The following USH2A variants were observed in gnomAD, a reference collection of about 807,000 sequenced individuals.
USH2A encodes the protein usherin, also known as Usher syndrome 2A (autosomal recessive, mild).
In USH2A, 443 loss-of-function variants were observed where a neutral mutation model predicts 538.9. That is an observed-to-expected ratio of 0.82 (90% CI 0.76 to 0.89). The LOEUF (loss-of-function observed/expected upper bound fraction) is 0.89. Among genes scored for constraint, USH2A ranks in the 40% least tolerant of loss-of-function variants. The pLI is 0.00. For missense variants in USH2A, 6,633 were observed against 6,324.8 expected (o/e 1.05, Z -1.65); for synonymous variants, 2,413 against 2,273.5 (o/e 1.06, Z -1.75).
chr1:216,174,519 GC>G (rs1210846904), intron 21 of USH2A: 17 of 985,054 alleles, frequency 1.7e-5, no homozygotes, highest in Non-Finnish European at 1.9e-5. Context: ...CTTTATTTAA[GC>G]TTTTGATAAT....
In USH2A at chr1:216,264,889, G is replaced by A. The variant is rs1362708893; in HGVS notation, c.1972-13791C>T. On this transcript the variant is annotated intron_variant, in intron 11 of 71. Coordinates refer to ENST00000307340, the MANE Select transcript of USH2A (RefSeq NM_206933.4). ...TGCAAATGAATGAAAATAGACCCCC[G>A]TCTCTCACCATATACAAAAATCCAC... 7.9e-5 allele frequency among the ~76,000 whole-genome samples: 12 copies of A among 152,050 alleles called. No individual in the cohort carries two copies. In the East Asian group the frequency reaches 1.6e-3, roughly 20 times the overall value.
chr1:215,998,179 C>G (rs1668182270), intron 34 of USH2A, among the ~76,000 whole-genome samples: 1 of 151,940 alleles, frequency 6.6e-6, no homozygotes, highest in South Asian at 2.1e-4. Context: ...CAAATAGGGA[C>G]AATCTCATGT....
chr1:215,955,916 A>G (rs542704872), intron 37 of USH2A, among the ~76,000 whole-genome samples: 1 of 152,302 alleles, frequency 6.6e-6, no homozygotes, highest in East Asian at 1.9e-4. Context: ...ATCACCATCC[A>G]AGGAAGTTGA....
At chr1:215,797,123 C>T (rs1662164277) in intron 50 of USH2A, among the ~76,000 whole-genome samples, 1 of 152,100 alleles carries the variant, frequency 6.6e-6, no homozygotes, top group Admixed American at 6.6e-5. Context: ...AAATCAGTCA[C>T]AATAGTCCCT....
intron 3 of USH2A, among the ~76,000 whole-genome samples, chr1:216,400,202 C>A (rs575692674): frequency 1.7e-5 from 2 of 118,920 alleles, no homozygotes; most frequent in Non-Finnish European, 3.4e-5. Context: ...GAAACCCCAG[C>A]ATAGAAATAG....
At position 215,998,968 on chromosome 1, in the gene USH2A, G is replaced by T; in HGVS notation, c.6576C>A (p.Val2192=). The part of the protein sequence containing the change: ...NHTHDFTIWS[V]IYNSTELFQD... Reference sequence around the variant, plus strand: ...GGAAAAGTTCTGTACTGTTATAGATGACACTCCAAATTGTAAAATCATGTG... The same window carrying T: ...GGAAAAGTTCTGTACTGTTATAGATTACACTCCAAATTGTAAAATCATGTG... Residue 2192 remains valine, a synonymous_variant, in exon 34 of 72, where the codon GTC becomes GTA. Transcript: ENST00000307340. The T allele has an allele frequency of 6.2e-7, 1 of 1,612,826 alleles. No homozygotes were observed. The highest frequency in any genetic ancestry group is 1.1e-5 in the South Asian group (1 of 91,040).
rs151177516 is a variant in USH2A, at chr1:216,232,066, A to G, written c.2880T>C (p.Asn960=). The G allele has an allele frequency of 5.0e-6, 8 of 1,614,088 alleles. No homozygotes were observed. Among genetic ancestry groups the G allele is most frequent in the Admixed American group, 3.3e-5 (2 of 60,022 alleles). ...GACCAGTCAGGCTATTACAGATGTGATTAACTGCACCAGTTGTATGGCATG... is the reference window on the plus strand; with the variant it reads ...GACCAGTCAGGCTATTACAGATGTGGTTAACTGCACCAGTTGTATGGCATG... ...PCSCHTTGAV[N]HICNSLTGQC... Residue 960 remains asparagine, a synonymous_variant, in exon 14 of 72, where the codon AAT becomes AAC. Transcript: ENST00000307340.
intron 38 of USH2A, among the ~76,000 whole-genome samples, chr1:215,925,387 A>C (rs1297439565): frequency 6.6e-6 from 1 of 152,096 alleles, no homozygotes; most frequent in Non-Finnish European, 1.5e-5. Flanking sequence ...CAATGGGTTG[A>C]TTTTTCCAGG....
Position 215,998,972 on chromosome 1 carries a change from C to G in USH2A, c.6572G>C (p.Ser2191Thr). Residue 2191 changes from serine to threonine, a missense_variant, in exon 34 of 72, where the codon AGT becomes ACT. Physicochemically the swap from Ser to Thr is moderately conservative, Grantham distance 58 (BLOSUM62 1). Coordinates refer to ENST00000307340, the MANE Select transcript of USH2A (RefSeq NM_206933.4). Reference sequence around the variant, plus strand: ...AAGTTCTGTACTGTTATAGATGACACTCCAAATTGTAAAATCATGTGTATG... The same window carrying G: ...AAGTTCTGTACTGTTATAGATGACAGTCCAAATTGTAAAATCATGTGTATG... The part of the protein sequence containing the change: ...SNHTHDFTIW[S>T]VIYNSTELFQ... The G allele has an allele frequency of 6.2e-7, 1 of 1,612,874 alleles. No individual in the cohort carries two copies. The highest frequency in any genetic ancestry group is 1.7e-5 in the Admixed American group (1 of 59,932).
At chr1:216,086,669 T>C in intron 24 of USH2A, 50 bp downstream of exon 24, 1 of 1,335,102 alleles carries the variant, frequency 7.5e-7, no homozygotes, top group Non-Finnish European at 1.1e-6. Context: ...TGTAAACAGG[T>C]TCTATTCTAA....
In USH2A at chr1:216,217,669, G is replaced by A. The variant is rs2035369509; in HGVS notation, c.2994-119C>T. The A allele has an allele frequency of 2.6e-6, 3 of 1,165,680 alleles. No homozygotes were observed. In the Admixed American group the frequency reaches 6.2e-5, roughly 24 times the overall value. The allele number at this position is 1,165,680 out of a possible 1,614,324, so 72.2% of individuals were successfully genotyped here. A position where few individuals can be genotyped will look rare whatever the true frequency, so the allele number is the denominator to read the frequency against. Reference sequence around the variant, plus strand: ...GACGGCTTGTTTTAGCCAATATATTGAAAAGAATGCTTGAGCTAAACAAAC... The same window carrying A: ...GACGGCTTGTTTTAGCCAATATATTAAAAAGAATGCTTGAGCTAAACAAAC... On this transcript the variant is annotated intron_variant, in intron 14 of 71. Coordinates refer to ENST00000307340, the MANE Select transcript of USH2A (RefSeq NM_206933.4).
chr1:216,152,962 A>G (rs1011439465), intron 21 of USH2A, among the ~76,000 whole-genome samples: 1 of 152,200 alleles, frequency 6.6e-6, no homozygotes, highest in African/African-American at 2.4e-5. Context: ...GCCACATAGA[A>G]GAAGAGAAGA....
At chr1:215,857,682 A>C (rs1039126622) in intron 44 of USH2A, among the ~76,000 whole-genome samples, 2 of 152,214 alleles carry the variant, frequency 1.3e-5, no homozygotes, top group African/African-American at 4.8e-5. Flanking sequence ...GCCCTCTGAC[A>C]TCAAGCAGTG....
chr1:215,648,247 C>T (rs543871409), intron 66 of USH2A, among the ~76,000 whole-genome samples: 38 of 152,260 alleles, frequency 2.5e-4, no homozygotes, highest in Middle Eastern at 3.4e-3. Context: ...ATATTGAATA[C>T]GAACACATTG....
intron 20 of USH2A, among the ~76,000 whole-genome samples, chr1:216,186,291 T>C (rs2034602615): frequency 6.6e-6 from 1 of 151,818 alleles, no homozygotes; most frequent in Admixed American, 6.6e-5. Context: ...TCCTTCATGT[T>C]CCAGCTTCTG....
At chr1:216,121,616 C>A (rs919785134) in intron 21 of USH2A, among the ~76,000 whole-genome samples, 1 of 152,112 alleles carries the variant, frequency 6.6e-6, no homozygotes, top group Non-Finnish European at 1.5e-5. Context: ...TAATTACTGT[C>A]ATAGATTCTG....
chr1:215,736,873 A>G (rs77541227), intron 60 of USH2A, among the ~76,000 whole-genome samples: 2,057 of 152,134 alleles, frequency 0.014, 72 homozygotes, highest in Admixed American at 0.061. Context: ...ATTCTTACAT[A>G]TGATATTTGG....
At chr1:215,862,420 G>T (rs548461077) in intron 44 of USH2A, among the ~76,000 whole-genome samples, 12 of 152,002 alleles carry the variant, frequency 7.9e-5, no homozygotes, top group African/African-American at 2.7e-4. Context: ...GTCGTGGGGT[G>T]GGGGGAGTGG....
At chr1:215,866,030 A>G (rs894715874) in intron 44 of USH2A, among the ~76,000 whole-genome samples, 10 of 152,300 alleles carry the variant, frequency 6.6e-5, no homozygotes, top group South Asian at 6.2e-4. Context: ...TTTTTATATC[A>G]TCAATAGATG....
Sources: gnomAD v4.1 joint callset for allele counts (sites outside exome capture counted in the v4.1 genomes callset) on GRCh38, gnomAD v4.1.1 for gene constraint, MANE v1.5 for transcripts, NCBI Gene and HGNC (gene_info 2026-07-23, HGNC 2026-07-21) for gene names.